The following LRMDA variants were observed in gnomAD, a reference collection of about 807,000 sequenced individuals.
LRMDA encodes leucine-rich melanocyte differentiation-associated protein.
In LRMDA, 18 loss-of-function variants were observed where a neutral mutation model predicts 29.8. The observed-to-expected ratio is 0.60, with a 90% CI of 0.42 to 0.90. The LOEUF is 0.90. LRMDA is among the 40% of genes least tolerant of loss of function. LRMDA has a pLI of 0.00. For synonymous variants in LRMDA, 125 were observed against 109.4 expected (o/e 1.14, Z -0.89); for missense variants, 273 against 273.9 (o/e 1.00, Z 0.02).
rs138749359 is a variant in LRMDA, at chr10:75,647,269, A to G, written c.131+208775A>G. The stretch of plus-strand genomic sequence containing the variant: ...ATGTCCAATTTTTTTTTAAAACCCT[A>G]AAGACTTAAATGCTCTATTGTTACT... On this transcript the variant is annotated intron_variant, in intron 2 of 6. Transcript: ENST00000611255. 2.0e-5 allele frequency among the ~76,000 whole-genome samples: 3 copies of G among 152,202 alleles called. No individual in the cohort carries two copies. The East Asian group carries it at 5.8e-4, about 29-fold the overall frequency.
chr10:75,571,424 T>C (rs1444671433), intron 2 of LRMDA, among the ~76,000 whole-genome samples: 2 of 152,132 alleles, frequency 1.3e-5, no homozygotes, highest in East Asian at 3.9e-4. Flanking sequence ...GGAGTGAACA[T>C]TGGGTGTGAT....
intron 2 of LRMDA, among the ~76,000 whole-genome samples, chr10:75,985,365 T>G (rs747903648): frequency 1.3e-5 from 2 of 151,682 alleles, no homozygotes; most frequent in African/African-American, 2.4e-5. Context: ...AACTGAGGAG[T>G]GGATAAGACT....
intron 6 of LRMDA, among the ~76,000 whole-genome samples, chr10:76,476,423 A>G (rs944931199): frequency 6.6e-6 from 1 of 152,128 alleles, no homozygotes; most frequent in African/African-American, 2.4e-5. Context: ...TTACCAACCA[A>G]AAAAAGTCCA....
rs541362108 is a variant in LRMDA at position 76,017,279 on chromosome 10, C to T, written c.132-18729C>T. ...AAGGCTGGAGTTAGGCTGGGGCAGACGCCATGTGAAGGCTGGAGGTAGGCT... is the reference window on the plus strand; with the variant it reads ...AAGGCTGGAGTTAGGCTGGGGCAGATGCCATGTGAAGGCTGGAGGTAGGCT... On this transcript the variant is annotated intron_variant, in intron 2 of 6. Transcript: ENST00000611255. Among the ~76,000 whole-genome samples, 12 of 152,302 alleles carry T rather than the reference C, an allele frequency of 7.9e-5. No individual in the cohort carries two copies. In the South Asian group the frequency reaches 8.3e-4, roughly 11 times the overall value.
At chr10:76,343,247 C>A (rs1218601494) in intron 6 of LRMDA, among the ~76,000 whole-genome samples, 1 of 152,128 alleles carries the variant, frequency 6.6e-6, no homozygotes, top group Admixed American at 6.5e-5. Context: ...TTCCAAATTT[C>A]TTTTGTGAAG....
chr10:76,363,254 AGAAG>A lies in LRMDA; in HGVS notation c.601+38789_601+38792del, dbSNP rs774111711. Among the ~76,000 whole-genome samples, 18 of 46,448 alleles carry A rather than the reference AGAAG, an allele frequency of 3.9e-4. 3 individuals carry two copies. Among genetic ancestry groups the A allele is most frequent in the East Asian group, 2.7e-3 (3 of 1,096 alleles). The allele number at this position is 46,448 out of a possible 152,430, so 30.5% of individuals were successfully genotyped here. On this transcript the variant is annotated intron_variant, in intron 6 of 6. Transcript: ENST00000611255. ...AAGAAAGAAAGAAAGAAAGAAAGAAAGAAGGAAGGAAGGAAGGAAGGAAAGGAAG... is the reference window on the plus strand; with the variant it reads ...AAGAAAGAAAGAAAGAAAGAAAGAAAGAAGGAAGGAAGGAAGGAAAGGAAG...
At position 76,497,386 on chromosome 10, in the gene LRMDA, A is replaced by T. The variant is rs1842884758; in HGVS notation, c.602-59823A>T. ...CATTCCAAAATTATGGAGGAGAGAA[A>T]GTACCACTCTTTGCACCCTTGTTTT... On this transcript the variant is annotated intron_variant, in intron 6 of 6. Coordinates refer to ENST00000611255, the MANE Select transcript of LRMDA (RefSeq NM_001305581.2). 4.0e-5 allele frequency among the ~76,000 whole-genome samples: 3 copies of T among 75,056 alleles called. 1 individual carries two copies. The highest frequency in any genetic ancestry group is 7.1e-4 in the South Asian group (2 of 2,800). 49.2% of individuals were successfully genotyped at this position (75,056 alleles called of 152,430 possible). A position where few individuals can be genotyped will look rare whatever the true frequency, so the allele number is the denominator to read the frequency against.
chr10:76,555,956 G>T (rs1413264639), intron 6 of LRMDA, among the ~76,000 whole-genome samples: 1 of 152,040 alleles, frequency 6.6e-6, no homozygotes, highest in Non-Finnish European at 1.5e-5. Context: ...AGTCCGATTA[G>T]CGCTAAGACA....
chr10:75,693,631 C>T (rs1274872563), intron 2 of LRMDA, among the ~76,000 whole-genome samples: 8 of 152,150 alleles, frequency 5.3e-5, no homozygotes, highest in Non-Finnish European at 2.9e-5. Flanking sequence ...TTTATATTGG[C>T]TGTCAGCGCT....
At position 76,016,687 on chromosome 10, in the gene LRMDA, G is replaced by C. The variant is rs1003968559; in HGVS notation, c.132-19321G>C. Among the ~76,000 whole-genome samples, 7 of 152,202 alleles carry C rather than the reference G, an allele frequency of 4.6e-5. No individual in the cohort carries two copies. The South Asian group carries it at 8.3e-4, about 18-fold the overall frequency. On this transcript the variant is annotated intron_variant, in intron 2 of 6. Coordinates refer to ENST00000611255, the MANE Select transcript of LRMDA (RefSeq NM_001305581.2). ...TTTCAGAGAATGAAGATGGATTCAA[G>C]TGTGAACTTCAGATAAATAGTGTGC... is the stretch of plus-strand genomic sequence containing the variant.
intron 2 of LRMDA, among the ~76,000 whole-genome samples, chr10:75,707,020 G>T (rs762523700): frequency 6.6e-6 from 1 of 152,116 alleles, no homozygotes; most frequent in African/African-American, 2.4e-5. Flanking sequence ...CCCTCTTTAT[G>T]CAATTCTCTC....
intron 2 of LRMDA, among the ~76,000 whole-genome samples, chr10:75,766,551 T>C (rs140745375): frequency 0.011 from 1,702 of 152,336 alleles, 26 homozygotes; most frequent in Middle Eastern, 0.031. Flanking sequence ...GGGATTTGCA[T>C]GCTGTTCTTT....
At chr10:76,069,020 G>C (rs1848832229) in intron 5 of LRMDA, among the ~76,000 whole-genome samples, 1 of 152,206 alleles carries the variant, frequency 6.6e-6, no homozygotes, top group Non-Finnish European at 1.5e-5. Flanking sequence ...TGTTTCCCCA[G>C]AGAGCCTGTT....
At chr10:76,141,722 A>T (rs7077442) in intron 5 of LRMDA, among the ~76,000 whole-genome samples, 3 of 151,866 alleles carry the variant, frequency 2.0e-5, no homozygotes, top group Non-Finnish European at 2.9e-5. Flanking sequence ...GAAATTGGAC[A>T]TATATCCAGC....
chr10:76,187,056 C>T (rs1851162891), intron 5 of LRMDA, among the ~76,000 whole-genome samples: 1 of 152,110 alleles, frequency 6.6e-6, no homozygotes, highest in Admixed American at 6.6e-5. Context: ...TACTCCCAGC[C>T]TCTCCCAGGG....
chr10:76,073,435 C>G (rs1848906389), intron 5 of LRMDA, among the ~76,000 whole-genome samples: 1 of 152,130 alleles, frequency 6.6e-6, no homozygotes, highest in Non-Finnish European at 1.5e-5. Flanking sequence ...TATATTCTTT[C>G]TATGGACTGT....
intron 2 of LRMDA, among the ~76,000 whole-genome samples, chr10:75,502,840 TCTC>T (rs1258136654): frequency 6.6e-6 from 1 of 152,146 alleles, no homozygotes; most frequent in Non-Finnish European, 1.5e-5. Context: ...CAGGCACACT[TCTC>T]CTCCTTCTTG....
At chr10:76,003,806 A>C (rs2132471514) in intron 2 of LRMDA, among the ~76,000 whole-genome samples, 1 of 152,332 alleles carries the variant, frequency 6.6e-6, no homozygotes, top group Non-Finnish European at 1.5e-5. Context: ...TTTCTTCCTA[A>C]CAAATCTGAG....
At chr10:75,639,309 G>T (rs1841424704) in intron 2 of LRMDA, among the ~76,000 whole-genome samples, 1 of 152,178 alleles carries the variant, frequency 6.6e-6, no homozygotes, top group South Asian at 2.1e-4. Flanking sequence ...GTGTTTTTGT[G>T]CAAAAAGTAG....
Sources: gnomAD v4.1 joint callset for allele counts (sites outside exome capture counted in the v4.1 genomes callset) on GRCh38, gnomAD v4.1.1 for gene constraint, MANE v1.5 for transcripts, NCBI Gene and HGNC (gene_info 2026-07-23, HGNC 2026-07-21) for gene names.